Variants in KCNIP4 observed in about 807,000 individuals in gnomAD.
KCNIP4 encodes the protein potassium voltage-gated channel interacting protein 4, also known as Kv channel-interacting protein 4.
KCNIP4 carries 12 observed loss-of-function variants against 34.0 expected under a neutral mutation model. That is an observed-to-expected ratio of 0.35 (90% confidence interval 0.23 to 0.57). The LOEUF is 0.57. KCNIP4 is among the 20% of genes least tolerant of loss of function. The pLI, the probability that KCNIP4 is intolerant of heterozygous loss-of-function variation, is 0.83. For missense variants in KCNIP4, 238 were observed against 311.7 expected (o/e 0.76, Z 1.78); for synonymous variants, 124 against 102.2 (o/e 1.21, Z -1.29).
At chr4:21,248,629 G>C (rs28640246) in intron 1 of KCNIP4, among the ~76,000 whole-genome samples, 6,227 of 152,124 alleles carry the variant, frequency 0.041, 391 homozygotes, top group African/African-American at 0.14. Context: ...GACCTACTGG[G>C]ATTAATTTAC....
intron 1 of KCNIP4, among the ~76,000 whole-genome samples, chr4:21,079,238 T>C (rs771850522): frequency 6.6e-6 from 1 of 152,104 alleles, no homozygotes; most frequent in South Asian, 2.1e-4. Context: ...TCTCACACAA[T>C]TGGCTCATTT....
chr4:21,944,607 A>G (rs1017063709), intron 1 of KCNIP4, among the ~76,000 whole-genome samples: 3 of 151,240 alleles, frequency 2.0e-5, no homozygotes, highest in Non-Finnish European at 2.9e-5. Context: ...CAGAGAAAGG[A>G]GAATAATTCA....
chr4:20,924,821 A>G (rs1173984886), intron 1 of KCNIP4, among the ~76,000 whole-genome samples: 1 of 152,168 alleles, frequency 6.6e-6, no homozygotes. Context: ...GGAAACACAT[A>G]AGTGGAAAAA....
intron 1 of KCNIP4, among the ~76,000 whole-genome samples, chr4:21,572,668 C>G (rs1200500048): frequency 1.3e-5 from 2 of 151,586 alleles, no homozygotes; most frequent in African/African-American, 4.9e-5. Flanking sequence ...CTTTGCCACC[C>G]AGGCTGGAGT....
At chr4:21,229,741 G>A (rs765539011) in intron 1 of KCNIP4, among the ~76,000 whole-genome samples, 1 of 152,092 alleles carries the variant, frequency 6.6e-6, no homozygotes, top group Non-Finnish European at 1.5e-5. Flanking sequence ...AAAAAGATGA[G>A]CAAGCCCAAG....
chr4:21,622,062 G>A (rs1303503484), intron 1 of KCNIP4, among the ~76,000 whole-genome samples: 1 of 152,140 alleles, frequency 6.6e-6, no homozygotes, highest in East Asian at 1.9e-4. Flanking sequence ...GCTCCTTGCT[G>A]TCACTGTCTT....
At position 20,882,679 on chromosome 4, in the gene KCNIP4, C is replaced by T. The variant is rs755731479; in HGVS notation, c.92G>A (p.Arg31His). The T allele has an allele frequency of 1.8e-5, 29 of 1,613,188 alleles. No individual in the cohort carries two copies. Among genetic ancestry groups the T allele is most frequent in the South Asian group, 7.7e-5 (7 of 91,062 alleles). The change falls in exon 2 of 9, where the codon CGC becomes CAC. Residue 31 changes from arginine to histidine, a missense_variant. Coordinates refer to ENST00000382152, the MANE Select transcript of KCNIP4 (RefSeq NM_025221.6). ...CTTCATGAGCCGCTCTTTAATGCTGCGCTTGGTGCTGTTCTGAGCGTACAG... is the reference window on the plus strand; with the variant it reads ...CTTCATGAGCCGCTCTTTAATGCTGTGCTTGGTGCTGTTCTGAGCGTACAG... ...GFLYAQNSTK[R>H]SIKERLMKLL...
chr4:21,109,762 G>C (rs1355243722), intron 1 of KCNIP4, among the ~76,000 whole-genome samples: 1 of 152,058 alleles, frequency 6.6e-6, no homozygotes, highest in African/African-American at 2.4e-5. Flanking sequence ...CCCGTATATG[G>C]AGCATTTTGA....
intron 1 of KCNIP4, among the ~76,000 whole-genome samples, chr4:21,781,631 G>A (rs549610230): frequency 9.1e-4 from 139 of 151,920 alleles, no homozygotes; most frequent in Non-Finnish European, 1.7e-3. Flanking sequence ...CTAAACAAAG[G>A]ACTCTTTGGA....
At chr4:20,811,716 T>C (rs1046925387) in intron 3 of KCNIP4, among the ~76,000 whole-genome samples, 1 of 151,298 alleles carries the variant, frequency 6.6e-6, no homozygotes, top group Non-Finnish European at 1.5e-5. Context: ...GGGAGAGGAG[T>C]CAAGAAGACT....
intron 1 of KCNIP4, among the ~76,000 whole-genome samples, chr4:21,472,688 T>C (rs1730571795): frequency 6.6e-6 from 1 of 152,196 alleles, no homozygotes; most frequent in Non-Finnish European, 1.5e-5. Flanking sequence ...AGTTGACTAT[T>C]TGAAACGCAG....
At chr4:21,000,630 AG>A (rs1738041870) in intron 1 of KCNIP4, among the ~76,000 whole-genome samples, 1 of 152,092 alleles carries the variant, frequency 6.6e-6, no homozygotes. Flanking sequence ...GGTTGCAGTG[AG>A]CCAAGATCGC....
rs1735074016 is a variant in KCNIP4 at position 21,519,369 on chromosome 4, C to CATATGTGTGTATATGTATGTGTATATAT, written c.61+429201_61+429202insATATATACACATACATATACACACATAT. Among the ~76,000 whole-genome samples the CATATGTGTGTATATGTATGTGTATATAT allele has an allele frequency of 4.8e-5, 6 of 125,790 alleles. No individual in the cohort carries two copies. In the South Asian group the frequency reaches 8.0e-4, roughly 17 times the overall value. 82.5% of individuals were successfully genotyped at this position (125,790 alleles called of 152,430 possible). ...ACACACACACACACACACACACACA[C>CATATGTGTGTATATGTATGTGTATATAT]ACACGTATATGTATGTGTATATATA... On this transcript the variant is annotated intron_variant, in intron 1 of 8. Coordinates refer to ENST00000382152, the MANE Select transcript of KCNIP4 (RefSeq NM_025221.6).
At chr4:21,822,996 C>T (rs905736194) in intron 1 of KCNIP4, among the ~76,000 whole-genome samples, 3 of 152,096 alleles carry the variant, frequency 2.0e-5, no homozygotes, top group East Asian at 3.9e-4. Context: ...GGATTACAGG[C>T]GTGAGCTGAC....
chr4:21,936,997 T>C, intron 1 of KCNIP4, among the ~76,000 whole-genome samples: 1 of 152,090 alleles, frequency 6.6e-6, no homozygotes, highest in East Asian at 1.9e-4. Flanking sequence ...TGACTTCAGT[T>C]ACCATTATCT....
At chr4:21,940,653 A>G (rs1056964776) in intron 1 of KCNIP4, among the ~76,000 whole-genome samples, 1 of 152,188 alleles carries the variant, frequency 6.6e-6, no homozygotes, top group Non-Finnish European at 1.5e-5. Context: ...CTACAAGTAG[A>G]TATCATTACC....
chr4:20,962,430 G>T (rs574157392), intron 1 of KCNIP4, among the ~76,000 whole-genome samples: 3 of 152,214 alleles, frequency 2.0e-5, no homozygotes, highest in South Asian at 4.1e-4. Context: ...TTTTCTTCTC[G>T]TTGCCCATGT....
At chr4:21,737,743 A>C (rs2109122590) in intron 1 of KCNIP4, among the ~76,000 whole-genome samples, 1 of 152,240 alleles carries the variant, frequency 6.6e-6, no homozygotes, top group Non-Finnish European at 1.5e-5. Flanking sequence ...CAAATGTTTA[A>C]AAATAAAGGA....
chr4:21,181,705 C>G (rs945534554), intron 1 of KCNIP4, among the ~76,000 whole-genome samples: 31 of 152,132 alleles, frequency 2.0e-4, no homozygotes, highest in African/African-American at 7.2e-4. Flanking sequence ...GTAATCGAAA[C>G]AGTCTCCTCT....
Sources: allele counts gnomAD v4.1 joint callset (sites outside exome capture counted in the v4.1 genomes callset), GRCh38; gene constraint gnomAD v4.1.1; transcripts MANE v1.5; gene names NCBI Gene and HGNC (gene_info 2026-07-23, HGNC 2026-07-21).